Variants in LRRCC1 observed in about 807,000 individuals in gnomAD.
The protein encoded by LRRCC1 is leucine-rich repeat and coiled-coil domain-containing protein 1.
A neutral mutation model predicts 126.0 loss-of-function variants in LRRCC1; 115 were observed. The observed-to-expected ratio is 0.91, with a 90% CI of 0.78 to 1.07. The LOEUF is 1.07. LRRCC1 is among the 50% of genes least tolerant of loss of function. The probability of loss-of-function intolerance (pLI) is 0.00; values close to 1 mark genes in which losing one functional copy is unlikely to be tolerated. For synonymous variants in LRRCC1, 400 were observed against 393.4 expected, an observed-to-expected ratio of 1.02 and a Z score of -0.20; for missense variants, 1,172 against 1,175.7, an observed-to-expected ratio of 1.00 and a Z score of 0.05.
Position 85,123,609 on chromosome 8 carries a change from A to C in LRRCC1, c.1124+3A>C. Reference sequence around the variant, plus strand: ...AAAAACTACAACTCTTTTGTAAGGTACTTGTTTTAGTTTTAGAAATTTAAG... The same window carrying C: ...AAAAACTACAACTCTTTTGTAAGGTCCTTGTTTTAGTTTTAGAAATTTAAG... On this transcript the variant is annotated splice_donor_region_variant and intron_variant, in intron 7 of 18. Coordinates refer to ENST00000360375, the MANE Select transcript of LRRCC1 (RefSeq NM_033402.5). 6.4e-7 allele frequency: 1 copy of C among 1,564,302 alleles called. No homozygotes were observed. The highest frequency in any genetic ancestry group is 2.3e-5 in the East Asian group (1 of 43,986).
chr8:85,126,972 A>G (rs1187554878), intron 9 of LRRCC1, 135 bp downstream of exon 9: 1 of 736,980 alleles, frequency 1.4e-6, no homozygotes, highest in Non-Finnish European at 2.1e-6. Flanking sequence ...AACTAATTTT[A>G]TTAGACAATT....
chr8:85,134,271 C>G (rs1563952601), intron 12 of LRRCC1, among the ~76,000 whole-genome samples: 1 of 152,200 alleles, frequency 6.6e-6, no homozygotes, highest in African/African-American at 2.4e-5. Context: ...TCAGTGCCTG[C>G]CACCTAGAAT....
chr8:85,137,485 G>A lies in LRRCC1; in HGVS notation c.2351G>A (p.Arg784His), dbSNP rs758066481. The change falls in exon 15 of 19, where the codon CGT (arginine) becomes CAT (histidine). Residue 784 changes from arginine (R) to histidine (H), a missense_variant. Physicochemically the swap from Arg to His is conservative, Grantham distance 29 (BLOSUM62 0). Coordinates refer to ENST00000360375, the MANE Select transcript of LRRCC1 (RefSeq NM_033402.5). ...AQQGSSLAQNRGKLEAQIESL... is the reference protein window; with the variant it reads ...AQQGSSLAQNHGKLEAQIESL... ...TTAGGATCTTCTCTAGCCCAAAATCGTGGAAAATTGGAGGCTCAAATTGAG... is the reference window on the plus strand; with the variant it reads ...TTAGGATCTTCTCTAGCCCAAAATCATGGAAAATTGGAGGCTCAAATTGAG... 1.4e-5 allele frequency: 22 copies of A among 1,554,696 alleles called. No individual in the cohort carries two copies. The highest frequency in any genetic ancestry group is 7.2e-5 in the East Asian group (3 of 41,566).
Position 85,130,051 on chromosome 8 carries a change from G to T in LRRCC1, c.1759G>T (p.Glu587Ter). Residue 587 changes from glutamate (E) to a stop codon, truncating the protein, a stop_gained, in exon 11 of 19, where the codon GAA becomes TAA. Coordinates refer to ENST00000360375, the MANE Select transcript of LRRCC1 (RefSeq NM_033402.5). LOFTEE classifies it high-confidence loss of function. ...TCAACTTCTTGCATTGAAAGAACAG[G>T]AACACAGGTAAATGAAAAATGTATC... is the stretch of plus-strand genomic sequence containing the variant. Reference protein sequence around the residue: ...LHQLLALKEQEHRKELETREF... With the variant: ...LHQLLALKEQ The T allele has an allele frequency of 6.4e-7, 1 of 1,570,780 alleles. No individual in the cohort carries two copies.
chr8:85,136,114 A>G (rs1810842320), intron 14 of LRRCC1, 151 bp downstream of exon 14: 1 of 540,928 alleles, frequency 1.8e-6, no homozygotes, highest in Non-Finnish European at 3.0e-6. Context: ...TTTGCCAGCT[A>G]CAGGGGAATG....
At chr8:85,132,375 C>CTTTTTTTTTTTTTTTTTTTTTTT (rs551423793) in intron 12 of LRRCC1, among the ~76,000 whole-genome samples, 4 of 109,960 alleles carry the variant, frequency 3.6e-5, no homozygotes, top group African/African-American at 7.2e-5. Context: ...TGAGTACTTT[C>CTTTTTTTTTTTTTTTTTTTTTTT]TTTTTTTTTT....
At chr8:85,136,311 G>A (rs796237652) in intron 14 of LRRCC1, among the ~76,000 whole-genome samples, 38 of 150,774 alleles carry the variant, frequency 2.5e-4, no homozygotes, top group African/African-American at 8.5e-4. Flanking sequence ...TTTTGCTCTC[G>A]TTGCCCAGGC....
intron 3 of LRRCC1, 128 bp from the exon 4 acceptor site, chr8:85,112,804 A>G: frequency 1.9e-6 from 1 of 520,392 alleles, no homozygotes; most frequent in East Asian, 3.3e-5. Context: ...CATTAGATAT[A>G]GCTGTTCACA....
intron 6 of LRRCC1, among the ~76,000 whole-genome samples, 189 bp downstream of exon 6, chr8:85,115,773 T>G (rs1283725802): frequency 1.3e-5 from 2 of 152,110 alleles, no homozygotes; most frequent in East Asian, 3.9e-4. Flanking sequence ...ACATAAATTT[T>G]TCACTCACTT....
intron 18 of LRRCC1, among the ~76,000 whole-genome samples, chr8:85,143,238 T>A (rs910610665): frequency 6.6e-6 from 1 of 152,036 alleles, no homozygotes; most frequent in Non-Finnish European, 1.5e-5. Context: ...GGAGAATTGC[T>A]TGAACCCAGG....
Position 85,146,022 on chromosome 8 carries a change from C to T in LRRCC1, c.*511C>T, listed in dbSNP as rs562373068. The T allele has an allele frequency of 6.6e-6, 1 of 152,156 alleles. No homozygotes were observed. Among genetic ancestry groups the T allele is most frequent in the Non-Finnish European group, 1.5e-5 (1 of 68,034 alleles). 9.4% of individuals were successfully genotyped at this position (152,156 alleles called of 1,614,324 possible). ...GCCATCTCCACATCACTCATTATGA[C>T]CCCTTCTTTTATAATGCTTATATCT... is the stretch of plus-strand genomic sequence containing the variant. On this transcript the variant is annotated 3_prime_UTR_variant, in exon 19 of 19. Coordinates refer to ENST00000360375, the MANE Select transcript of LRRCC1 (RefSeq NM_033402.5).
At chr8:85,145,117 G>GTATATACATA (rs1811580153) in intron 18 of LRRCC1, among the ~76,000 whole-genome samples, 1 of 143,332 alleles carries the variant, frequency 7.0e-6, no homozygotes. Context: ...ATATATGTGT[G>GTATATACATA]TATATATATA....
chr8:85,115,355 G>T lies in LRRCC1; in HGVS notation c.721-20G>T. 1 of 1,589,936 alleles carries T rather than the reference G, an allele frequency of 6.3e-7. No homozygotes were observed. Among genetic ancestry groups the T allele is most frequent in the Non-Finnish European group, 8.6e-7 (1 of 1,164,796 alleles). On this transcript the variant is annotated intron_variant, in intron 5 of 18. Transcript: ENST00000360375. ...AGTGAATATAAATTAAAAGGATTTTGGTTTGTTTCTGTGTCATAGATCATT... is the reference window on the plus strand; with the variant it reads ...AGTGAATATAAATTAAAAGGATTTTTGTTTGTTTCTGTGTCATAGATCATT...
Position 85,145,447 on chromosome 8 carries a change from A to G in LRRCC1, c.3035A>G (p.Lys1012Arg), listed in dbSNP as rs763296748. 2 of 1,583,714 alleles carry G rather than the reference A, an allele frequency of 1.3e-6. No homozygotes were observed. Among genetic ancestry groups the G allele is most frequent in the Non-Finnish European group, 1.7e-6 (2 of 1,169,022 alleles). The change falls in exon 19 of 19, where the codon AAA becomes AGA. Residue 1012 changes from lysine (K) to arginine (R), a missense_variant. By Grantham distance (26) the Lys-to-Arg change is conservative. Coordinates refer to ENST00000360375, the MANE Select transcript of LRRCC1 (RefSeq NM_033402.5). ...ELLEETCKNK[K>R]TMEAKIKQLA... ...TTGGAAGAAACATGCAAGAACAAAA[A>G]AACAATGGAAGCAAAAATTAAGCAA...
rs113491145 is a variant in LRRCC1 at position 85,134,595 on chromosome 8, C to T, written c.1969-252C>T. Among the ~76,000 whole-genome samples, 781 of 152,304 alleles carry T rather than the reference C, an allele frequency of 5.1e-3. 9 individuals are homozygous for T. Among genetic ancestry groups the T allele is most frequent in the African/African-American group, 0.018 (739 of 41,568 alleles). On this transcript the variant is annotated intron_variant, in intron 12 of 18. Transcript: ENST00000360375. Reference sequence around the variant, plus strand: ...TTGGCCTCCCAAAGTGCTGAGATTACAGGCATCAGCCACCGCGCCCAGCCC... The same window carrying T: ...TTGGCCTCCCAAAGTGCTGAGATTATAGGCATCAGCCACCGCGCCCAGCCC...
intron 3 of LRRCC1, among the ~76,000 whole-genome samples, chr8:85,111,154 G>C (rs992467493): frequency 6.6e-6 from 1 of 152,116 alleles, no homozygotes; most frequent in Non-Finnish European, 1.5e-5. Context: ...AAGGCAGGCG[G>C]ATCACCTGAG....
chr8:85,142,113 G>A (rs187691984), intron 18 of LRRCC1, among the ~76,000 whole-genome samples: 4 of 152,252 alleles, frequency 2.6e-5, no homozygotes, highest in Admixed American at 2.6e-4. Flanking sequence ...GGCCAACATG[G>A]TGAAACCCCT....
intron 18 of LRRCC1, among the ~76,000 whole-genome samples, chr8:85,142,719 A>G (rs946890025): frequency 4.0e-5 from 6 of 151,388 alleles, no homozygotes; most frequent in South Asian, 2.1e-4. Context: ...AGTCACAGCT[A>G]TTTGGGAGGC....
intron 6 of LRRCC1, among the ~76,000 whole-genome samples, chr8:85,122,084 A>T (rs1204492490): frequency 1.3e-5 from 2 of 152,106 alleles, no homozygotes; most frequent in African/African-American, 4.8e-5. Context: ...TTCTTTCAGT[A>T]CTGTGCCTGG....
Sources: allele counts gnomAD v4.1 joint callset (sites outside exome capture counted in the v4.1 genomes callset), GRCh38; gene constraint gnomAD v4.1.1; transcripts MANE v1.5; gene names NCBI Gene and HGNC (gene_info 2026-07-23, HGNC 2026-07-21).